The following NBAS variants were observed in gnomAD, a reference collection of about 807,000 sequenced individuals.
NBAS encodes the protein NBAS subunit of NRZ tethering complex.
A neutral mutation model predicts 302.5 loss-of-function variants in NBAS; 219 were observed. That is an observed-to-expected ratio of 0.72 (90% CI 0.65 to 0.81). NBAS has a LOEUF of 0.81. Ranked by LOEUF, NBAS falls within the 30% of genes least tolerant of loss-of-function variation. NBAS has a pLI of 0.00. For missense variants in NBAS, 2,932 were observed against 2,841.6 expected, an observed-to-expected ratio of 1.03 and a Z score of -0.72; for synonymous variants, 1,118 against 1,021.6, an observed-to-expected ratio of 1.09 and a Z score of -1.80.
At chr2:15,558,172 G>C (rs1478125036) in intron 2 of NBAS, among the ~76,000 whole-genome samples, 1 of 152,122 alleles carries the variant, frequency 6.6e-6, no homozygotes. Context: ...AATAGGGTTT[G>C]CACTTCCCTG....
the NBAS span, among the ~76,000 whole-genome samples, chr2:15,149,011 T>G: frequency 6.6e-6 from 1 of 152,236 alleles, no homozygotes; most frequent in African/African-American, 2.4e-5. Flanking sequence ...TCGAAGCCAT[T>G]TAATTATCAC....
intron 32 of NBAS, among the ~76,000 whole-genome samples, chr2:15,360,237 CATT>C (rs1673834419): frequency 6.8e-6 from 1 of 148,024 alleles, no homozygotes; most frequent in Admixed American, 6.9e-5. Flanking sequence ...CTACTGCAGA[CATT>C]ATAAACACTC....
At chr2:15,216,860 G>A (rs1025613817) in intron 48 of NBAS, among the ~76,000 whole-genome samples, 94 of 152,290 alleles carry the variant, frequency 6.2e-4, no homozygotes, top group African/African-American at 2.2e-3. Flanking sequence ...AGAGAAATCA[G>A]CCTCATCATC....
chr2:14,880,172 A>G, the NBAS span, among the ~76,000 whole-genome samples: 3 of 152,160 alleles, frequency 2.0e-5, no homozygotes, highest in African/African-American at 7.2e-5. Context: ...ATACAGATGA[A>G]GGAGCCCTTG....
intron 51 of NBAS, among the ~76,000 whole-genome samples, chr2:15,171,953 A>C (rs143471826): frequency 6.6e-5 from 10 of 152,312 alleles, no homozygotes; most frequent in Non-Finnish European, 1.3e-4. Context: ...TAGGAAAATA[A>C]ATTTCTCTTG....
At chr2:15,510,596 A>C (rs1031348288) in intron 10 of NBAS, among the ~76,000 whole-genome samples, 35 of 152,376 alleles carry the variant, frequency 2.3e-4, no homozygotes, top group African/African-American at 8.2e-4. Flanking sequence ...GATTGCTTGA[A>C]TTATCAAAAT....
chr2:15,151,741 G>A, the NBAS span, among the ~76,000 whole-genome samples: 4 of 152,208 alleles, frequency 2.6e-5, no homozygotes, highest in Non-Finnish European at 4.4e-5. Flanking sequence ...TGATCAGTTT[G>A]ATTCATGGGG....
the NBAS span, among the ~76,000 whole-genome samples, chr2:14,848,316 C>T: frequency 8.2e-3 from 826 of 100,786 alleles, 36 homozygotes; most frequent in African/African-American, 0.061. Flanking sequence ...AAAGGGGTGA[C>T]GGACACACCT....
the NBAS span, among the ~76,000 whole-genome samples, chr2:14,887,340 T>C: frequency 6.9e-6 from 1 of 145,938 alleles, no homozygotes; most frequent in African/African-American, 2.6e-5. Context: ...GAGGTGGAGG[T>C]TGCAGTGATC....
the NBAS span, among the ~76,000 whole-genome samples, chr2:15,141,800 C>A: frequency 2.0e-5 from 3 of 152,102 alleles, no homozygotes; most frequent in South Asian, 2.1e-4. Flanking sequence ...ACCCTTTCCC[C>A]CAATAAAAAA....
At chr2:15,269,302 A>G (rs1383226350) in intron 44 of NBAS, among the ~76,000 whole-genome samples, 1 of 152,190 alleles carries the variant, frequency 6.6e-6, no homozygotes, top group Admixed American at 6.5e-5. Flanking sequence ...TCCATGGTAG[A>G]CATATGCCTC....
chr2:15,227,835 A>G (rs1004840217), intron 47 of NBAS, among the ~76,000 whole-genome samples: 2 of 152,204 alleles, frequency 1.3e-5, no homozygotes, highest in Non-Finnish European at 2.9e-5. Context: ...ACAAATATCA[A>G]CTATAAATGA....
At chr2:15,215,238 G>T (rs981973368) in intron 48 of NBAS, among the ~76,000 whole-genome samples, 3 of 152,046 alleles carry the variant, frequency 2.0e-5, no homozygotes, top group Non-Finnish European at 2.9e-5. Context: ...AAAAATGAAG[G>T]CCTCTGAATT....
intron 47 of NBAS, among the ~76,000 whole-genome samples, chr2:15,227,372 C>T (rs981245875): frequency 6.6e-6 from 1 of 151,938 alleles, no homozygotes; most frequent in Non-Finnish European, 1.5e-5. Flanking sequence ...ATAAATGGAA[C>T]GATATTCCAT....
At chr2:15,188,902 A>C (rs1196219266) in intron 49 of NBAS, among the ~76,000 whole-genome samples, 1 of 152,246 alleles carries the variant, frequency 6.6e-6, no homozygotes, top group East Asian at 1.9e-4. Flanking sequence ...TTACAAAAGT[A>C]TGGCATTAGT....
the NBAS span, among the ~76,000 whole-genome samples, chr2:15,132,366 GAAAAAGCCATGGAGAAAGT>G: frequency 2.0e-5 from 3 of 152,134 alleles, no homozygotes; most frequent in African/African-American, 7.2e-5. Context: ...TGACATTCTG[GAAAAAGCCATGGAGAAAGT>G]AAAAAGATCA....
At chr2:14,928,854 A>G in the NBAS span, among the ~76,000 whole-genome samples, 4 of 152,180 alleles carry the variant, frequency 2.6e-5, no homozygotes, top group Admixed American at 2.6e-4. Flanking sequence ...CAGAGCACAC[A>G]TTTGTAACCA....
At chr2:15,492,974 T>C (rs1680925011) in intron 11 of NBAS, among the ~76,000 whole-genome samples, 1 of 152,190 alleles carries the variant, frequency 6.6e-6, no homozygotes, top group Non-Finnish European at 1.5e-5. Context: ...AAATCTCATT[T>C]TGAATTATTG....
At chr2:14,937,448 G>A in the NBAS span, among the ~76,000 whole-genome samples, 2 of 152,160 alleles carry the variant, frequency 1.3e-5, no homozygotes, top group African/African-American at 2.4e-5. Context: ...CTCCCCTAAG[G>A]CTCAGGAAAG....
Sources: gnomAD v4.1 joint callset for allele counts (sites outside exome capture counted in the v4.1 genomes callset) on GRCh38, gnomAD v4.1.1 for gene constraint, MANE v1.5 for transcripts, NCBI Gene and HGNC (gene_info 2026-07-23, HGNC 2026-07-21) for gene names.